The following PRKCZ variants were observed in gnomAD, a reference collection of about 807,000 sequenced individuals.
PRKCZ encodes protein kinase C zeta type.
PRKCZ carries 33 observed loss-of-function variants against 79.5 expected under a neutral mutation model. The observed-to-expected ratio is 0.41, with a 90% CI of 0.31 to 0.55. PRKCZ has a LOEUF of 0.55. Among genes scored for constraint, PRKCZ ranks in the 20% least tolerant of loss-of-function variants. The probability of loss-of-function intolerance (pLI) is 0.19; values close to 1 mark genes in which losing one functional copy is unlikely to be tolerated. For missense variants in PRKCZ, 578 were observed against 813.5 expected, an observed-to-expected ratio of 0.71 and a Z score of 3.52; for synonymous variants, 342 against 320.9, an observed-to-expected ratio of 1.07 and a Z score of -0.70.
At chr1:2,148,811 G>A (rs923519271) in intron 7 of PRKCZ, 61 bp from the exon 8 acceptor site, 1 of 1,548,200 alleles carries the variant, frequency 6.5e-7, no homozygotes, top group African/African-American at 1.4e-5. Flanking sequence ...CAGGGTCGCT[G>A]TGTTCCCAGT....
rs980228338 is a variant in PRKCZ, at chr1:2,075,278, G to T, written c.334+15687G>T. On this transcript the variant is annotated intron_variant, in intron 4 of 17. Coordinates refer to ENST00000378567, the MANE Select transcript of PRKCZ (RefSeq NM_002744.6). This position sits in a 1 kb window ranked among gnomAD's most constrained non-coding sequence, Gnocchi z 4.8. The stretch of plus-strand genomic sequence containing the variant: ...AGCCCACGCTGGCCATGCACAGCTG[G>T]CACGATCCCTTGCGGTGTGAATACA... 1.3e-5 allele frequency: 2 copies of T among 152,246 alleles called. No individual in the cohort carries two copies. Among genetic ancestry groups the T allele is most frequent in the Non-Finnish European group, 2.9e-5 (2 of 68,070 alleles). The allele number at this position is 152,246 out of a possible 1,614,324, so 9.4% of individuals were successfully genotyped here. A position where few individuals can be genotyped will look rare whatever the true frequency, so the allele number is the denominator to read the frequency against.
In PRKCZ at chr1:2,165,233, G is replaced by A. The variant is rs896608088; in HGVS notation, c.975-4285G>A. Reference sequence around the variant, plus strand: ...AGCTTTAATGTCCGTCCTGCTCTCCGAGTCAGGAATCTGATTTTCCAGCGT... The same window carrying A: ...AGCTTTAATGTCCGTCCTGCTCTCCAAGTCAGGAATCTGATTTTCCAGCGT... On this transcript the variant is annotated intron_variant, in intron 10 of 17. Coordinates refer to ENST00000378567, the MANE Select transcript of PRKCZ (RefSeq NM_002744.6). This position sits in a 1 kb window ranked among gnomAD's most constrained non-coding sequence, Gnocchi z 4.1. Among the ~76,000 whole-genome samples, 3 of 152,282 alleles carry A rather than the reference G, an allele frequency of 2.0e-5. No individual in the cohort carries two copies. The highest frequency in any genetic ancestry group is 1.9e-4 in the East Asian group (1 of 5,180).
At chr1:2,163,070 G>C (rs774130155) in intron 10 of PRKCZ, among the ~76,000 whole-genome samples, 2 of 152,226 alleles carry the variant, frequency 1.3e-5, no homozygotes. Context: ...TGCCGTCTCT[G>C]TTCATCTTCC....
At position 2,150,780 on chromosome 1, in the gene PRKCZ, C is replaced by T. The variant is rs775686221; in HGVS notation, c.688-10C>T. On this transcript the variant is annotated splice_polypyrimidine_tract_variant and intron_variant, in intron 8 of 17. Coordinates refer to ENST00000378567, the MANE Select transcript of PRKCZ (RefSeq NM_002744.6). Reference sequence around the variant, plus strand: ...CTCTCACTTTCTGGGGTCTTGTTCTCCCTCCCTAGGACCTTAAGCCAGTTA... The same window carrying T: ...CTCTCACTTTCTGGGGTCTTGTTCTTCCTCCCTAGGACCTTAAGCCAGTTA... 1 of 1,608,366 alleles carries T rather than the reference C, an allele frequency of 6.2e-7. No homozygotes were observed. The highest frequency in any genetic ancestry group is 1.3e-5 in the African/African-American group (1 of 74,810).
intron 4 of PRKCZ, among the ~76,000 whole-genome samples, chr1:2,067,806 T>C (rs533124115): frequency 1.3e-5 from 2 of 152,170 alleles, no homozygotes; most frequent in Non-Finnish European, 2.9e-5. Context: ...ACAGAAATGG[T>C]ATGTGTGATT....
chr1:2,097,368 G>A (rs1211420219), intron 4 of PRKCZ, among the ~76,000 whole-genome samples: 1 of 152,202 alleles, frequency 6.6e-6, no homozygotes, highest in Admixed American at 6.5e-5. Flanking sequence ...GAAAAGTCCA[G>A]AATGAGCTGG....
chr1:2,069,541 C>T (rs1661396649), intron 4 of PRKCZ, among the ~76,000 whole-genome samples: 1 of 152,172 alleles, frequency 6.6e-6, no homozygotes, highest in Admixed American at 6.5e-5. Context: ...GACCAGACCC[C>T]CATTGGAGCG....
chr1:2,052,628 C>A (rs1241211825), intron 1 of PRKCZ, among the ~76,000 whole-genome samples: 3 of 151,958 alleles, frequency 2.0e-5, no homozygotes, highest in Admixed American at 6.6e-5. Context: ...TGTGAAGTAC[C>A]CTTCTCCCCG....
At chr1:2,184,547 G>T in intron 16 of PRKCZ, 36 bp from the exon 17 acceptor site, 2 of 1,536,472 alleles carry the variant, frequency 1.3e-6, no homozygotes, top group South Asian at 1.1e-5. Flanking sequence ...GATGATGCCC[G>T]CGCGGAGCTG....
intron 4 of PRKCZ, among the ~76,000 whole-genome samples, chr1:2,102,826 G>A (rs987336833): frequency 1.3e-5 from 2 of 152,102 alleles, no homozygotes; most frequent in African/African-American, 4.8e-5. Flanking sequence ...CTAGGGGCTG[G>A]AGGGGCCTTA....
intron 7 of PRKCZ, among the ~76,000 whole-genome samples, chr1:2,146,415 G>A (rs112081525): frequency 3.3e-5 from 5 of 152,310 alleles, no homozygotes; most frequent in African/African-American, 1.2e-4. Flanking sequence ...GGGAGTTCTC[G>A]AAGGCACTTA....
chr1:2,090,733 G>A (rs890515596), intron 4 of PRKCZ, among the ~76,000 whole-genome samples: 1 of 152,258 alleles, frequency 6.6e-6, no homozygotes, highest in East Asian at 1.9e-4. Flanking sequence ...GCAGCCGGGG[G>A]CGTCTCGGAG....
upstream of PRKCZ, among the ~76,000 whole-genome samples, chr1:2,048,544 G>A (rs977651872): frequency 4.6e-5 from 7 of 151,394 alleles, no homozygotes; most frequent in African/African-American, 4.9e-5. Context: ...AAGAGGCCTC[G>A]AGGCCGGGGC....
intron 5 of PRKCZ, 135 bp downstream of exon 5, chr1:2,135,482 T>C: frequency 1.3e-6 from 1 of 780,468 alleles, no homozygotes; most frequent in Non-Finnish European, 2.0e-6. Context: ...GTTACAGAAA[T>C]GCTTTCTCTG....
At chr1:2,182,605 T>TG in intron 16 of PRKCZ, 1 of 154,944 alleles carries the variant, frequency 6.5e-6, no homozygotes. Flanking sequence ...CTGCAGGGGC[T>TG]GGGGGGCTGC....
chr1:2,173,055 A>G lies in PRKCZ; in HGVS notation c.1285+667A>G, dbSNP rs1684775470. Among the ~76,000 whole-genome samples the G allele has an allele frequency of 6.6e-6, 1 of 152,128 alleles. No individual in the cohort carries two copies. The highest frequency in any genetic ancestry group is 1.5e-5 in the Non-Finnish European group (1 of 68,022). On this transcript the variant is annotated intron_variant, in intron 13 of 17. Transcript: ENST00000378567. This position sits in a 1 kb window ranked among gnomAD's most constrained non-coding sequence, Gnocchi z 5.7. ...CTGAGTGTTCGTGTGTCGGGCATCC[A>G]TGTGTGTTGTGTGCACATGCATACT...
intron 9 of PRKCZ, among the ~76,000 whole-genome samples, chr1:2,154,200 G>A (rs1406079960): frequency 6.6e-6 from 1 of 152,232 alleles, no homozygotes; most frequent in Non-Finnish European, 1.5e-5. Flanking sequence ...CTGGAGATGG[G>A]AGGAGATGCG....
At chr1:2,074,552 A>G (rs2102326443) in intron 4 of PRKCZ, 1 of 571,406 alleles carries the variant, frequency 1.8e-6, no homozygotes, top group Non-Finnish European at 3.1e-6. Context: ...CAGGGCTGGT[A>G]GTGGTAACAG....
intron 4 of PRKCZ, among the ~76,000 whole-genome samples, chr1:2,061,805 T>C (rs1660702456): frequency 1.3e-5 from 2 of 152,194 alleles, no homozygotes; most frequent in Non-Finnish European, 2.9e-5. Flanking sequence ...GGGCTGGCGC[T>C]CTCCCTGATG....
Sources: allele counts gnomAD v4.1 joint callset (sites outside exome capture counted in the v4.1 genomes callset), GRCh38; gene constraint gnomAD v4.1.1; non-coding constraint Gnocchi (gnomAD v3.1); transcripts MANE v1.5; gene names NCBI Gene and HGNC (gene_info 2026-07-23, HGNC 2026-07-21).